Variants in UACA observed in about 807,000 individuals in gnomAD.
The protein encoded by UACA is nuclear membrane binding protein.
In UACA, 112 loss-of-function variants were observed where a neutral mutation model predicts 160.5. That is an observed-to-expected ratio of 0.70 (90% CI 0.60 to 0.82). The LOEUF is 0.82. Ranked by LOEUF, UACA falls within the 40% of genes least tolerant of loss-of-function variation. The pLI, the probability that UACA is intolerant of heterozygous loss-of-function variation, is 0.00. For synonymous variants in UACA, 557 were observed against 568.4 expected (o/e 0.98, Z 0.29); for missense variants, 1,574 against 1,614.6 (o/e 0.97, Z 0.43).
At chr15:70,725,140 T>C (rs1002951760) in intron 1 of UACA, among the ~76,000 whole-genome samples, 1 of 152,152 alleles carries the variant, frequency 6.6e-6, no homozygotes, top group Non-Finnish European at 1.5e-5. Context: ...ATCTGATAGA[T>C]TTTTGGTAAA....
chr15:70,773,637 G>A, the UACA span, among the ~76,000 whole-genome samples: 1 of 152,100 alleles, frequency 6.6e-6, no homozygotes, highest in African/African-American at 2.4e-5. Flanking sequence ...ATAAGTGTAC[G>A]GTGGTATATT....
Position 70,743,426 on chromosome 15 carries a change from C to T in UACA, c.78+19904G>A, listed in dbSNP as rs1192974581. On this transcript the variant is annotated intron_variant, in intron 1 of 18. Coordinates refer to ENST00000322954, the MANE Select transcript of UACA (RefSeq NM_018003.4). ...TGGGGATTCAGGTGGAAAATTAAGG[C>T]CATTTTTAAAATTCTGCTTACCACA... Among the ~76,000 whole-genome samples, 3 of 152,138 alleles carry T rather than the reference C, an allele frequency of 2.0e-5. No individual in the cohort carries two copies. In the East Asian group the frequency reaches 5.8e-4, roughly 29 times the overall value.
intron 1 of UACA, among the ~76,000 whole-genome samples, chr15:70,763,094 A>G (rs982865106): frequency 5.9e-5 from 9 of 152,066 alleles, no homozygotes; most frequent in Non-Finnish European, 1.0e-4. Context: ...AGAAGTTCGG[A>G]GGCTTGGGAG....
chr15:70,673,828 T>C (rs1183401249), intron 13 of UACA, among the ~76,000 whole-genome samples: 3 of 152,178 alleles, frequency 2.0e-5, no homozygotes, highest in Non-Finnish European at 4.4e-5. Flanking sequence ...TATTCAATGT[T>C]TGTAAATGAT....
chr15:70,704,794 A>T (rs1436730740), intron 1 of UACA, among the ~76,000 whole-genome samples: 1 of 152,204 alleles, frequency 6.6e-6, no homozygotes, highest in Non-Finnish European at 1.5e-5. Context: ...ACTTCAGCTG[A>T]ATTAAATTTA....
chr15:70,726,804 A>G (rs947626274), intron 1 of UACA, among the ~76,000 whole-genome samples: 4 of 152,188 alleles, frequency 2.6e-5, no homozygotes, highest in African/African-American at 9.7e-5. Context: ...GATTTATCAC[A>G]AAGTTATACA....
At chr15:70,670,194 T>C (rs1056507094) in intron 15 of UACA, among the ~76,000 whole-genome samples, 1 of 151,982 alleles carries the variant, frequency 6.6e-6, no homozygotes, top group Non-Finnish European at 1.5e-5. Flanking sequence ...AGAGGCAAAA[T>C]GGTGGATGTA....
intron 18 of UACA, among the ~76,000 whole-genome samples, chr15:70,658,911 T>G (rs1896578009): frequency 6.6e-6 from 1 of 152,256 alleles, no homozygotes; most frequent in Admixed American, 6.5e-5. Context: ...TCAATTGCTT[T>G]TGTTATGTTT....
intron 1 of UACA, among the ~76,000 whole-genome samples, chr15:70,718,319 A>AATGTGT (rs1566989707): frequency 1.1e-4 from 10 of 94,010 alleles, no homozygotes; most frequent in African/African-American, 2.9e-4. Flanking sequence ...GGAGAGAGAG[A>AATGTGT]GAGAATGTGT....
intron 2 of UACA, 43 bp downstream of exon 2, chr15:70,699,484 C>T (rs1898252666): frequency 6.3e-7 from 1 of 1,596,500 alleles, no homozygotes; most frequent in Non-Finnish European, 8.6e-7. Context: ...CCAAGACTAT[C>T]CAAATTCCCT....
chr15:70,773,024 C>T, the UACA span, among the ~76,000 whole-genome samples: 4 of 144,102 alleles, frequency 2.8e-5, no homozygotes, highest in South Asian at 4.3e-4. Flanking sequence ...CCAGCCTAGG[C>T]GACAGAGCAA....
At chr15:70,738,704 T>C (rs1371956011) in intron 1 of UACA, among the ~76,000 whole-genome samples, 3 of 152,196 alleles carry the variant, frequency 2.0e-5, no homozygotes, top group Admixed American at 2.0e-4. Context: ...TTATTATTTA[T>C]TAGAGGAAAA....
chr15:70,741,943 C>A (rs994354910), intron 1 of UACA, among the ~76,000 whole-genome samples: 1 of 151,874 alleles, frequency 6.6e-6, no homozygotes, highest in Non-Finnish European at 1.5e-5. Flanking sequence ...AGGATACACA[C>A]AAACACATCA....
intron 13 of UACA, among the ~76,000 whole-genome samples, chr15:70,673,694 T>A (rs1897213450): frequency 6.6e-6 from 1 of 152,224 alleles, no homozygotes; most frequent in Non-Finnish European, 1.5e-5. Flanking sequence ...AAAATATCCA[T>A]TTTCCCCATA....
upstream of UACA, among the ~76,000 whole-genome samples, chr15:70,767,093 A>G (rs1044520985): frequency 3.3e-5 from 5 of 151,852 alleles, no homozygotes; most frequent in African/African-American, 1.2e-4. Context: ...ACAAAAAATT[A>G]GCCAGGCGTG....
At chr15:70,722,321 CTTT>C (rs66463519) in intron 1 of UACA, among the ~76,000 whole-genome samples, 16 of 144,204 alleles carry the variant, frequency 1.1e-4, no homozygotes, top group Non-Finnish European at 1.5e-4. Flanking sequence ...AGCAAAATCA[CTTT>C]TTTTTTTTTT....
intron 1 of UACA, among the ~76,000 whole-genome samples, chr15:70,751,713 T>C (rs1004590453): frequency 1.3e-5 from 2 of 152,204 alleles, no homozygotes; most frequent in African/African-American, 4.8e-5. Context: ...TGTGCTAACC[T>C]GCACCTTCAT....
intron 3 of UACA, among the ~76,000 whole-genome samples, chr15:70,692,244 C>T (rs1897964931): frequency 6.6e-6 from 1 of 152,128 alleles, no homozygotes; most frequent in African/African-American, 2.4e-5. Context: ...TCAGTACAGC[C>T]TCGAATGCCT....
intron 8 of UACA, among the ~76,000 whole-genome samples, chr15:70,683,192 C>A (rs1388269236): frequency 2.6e-5 from 4 of 151,124 alleles, no homozygotes; most frequent in Non-Finnish European, 5.9e-5. Flanking sequence ...CCCATCTCTA[C>A]AAAAAAAATA....
Sources: gnomAD v4.1 joint callset for allele counts (sites outside exome capture counted in the v4.1 genomes callset) on GRCh38, gnomAD v4.1.1 for gene constraint, MANE v1.5 for transcripts, NCBI Gene and HGNC (gene_info 2026-07-23, HGNC 2026-07-21) for gene names.